Variants in SEL1L3 observed in about 807,000 individuals in gnomAD.
The protein encoded by SEL1L3 is protein sel-1 homolog 3.
SEL1L3 carries 76 observed loss-of-function variants against 142.8 expected under a neutral mutation model. The observed-to-expected ratio is 0.53, with a 90% CI of 0.44 to 0.64. The LOEUF is 0.64. SEL1L3 is among the 30% of genes least tolerant of loss of function. SEL1L3 has a pLI of 0.00. For missense variants in SEL1L3, 1,262 were observed against 1,381.7 expected, an observed-to-expected ratio of 0.91 and a Z score of 1.37; for synonymous variants, 504 against 519.6, an observed-to-expected ratio of 0.97 and a Z score of 0.41.
the SEL1L3 span, among the ~76,000 whole-genome samples, chr4:25,735,030 C>T: frequency 6.6e-6 from 1 of 151,612 alleles, no homozygotes; most frequent in Non-Finnish European, 1.5e-5. Flanking sequence ...GTATATTTTC[C>T]TAAAATGTTT....
At chr4:25,830,449 C>T (rs958755801) in intron 5 of SEL1L3, among the ~76,000 whole-genome samples, 3 of 152,168 alleles carry the variant, frequency 2.0e-5, no homozygotes, top group Admixed American at 6.5e-5. Context: ...TGTCCTTAAA[C>T]GCTTGTTGTG....
chr4:25,765,468 A>G (rs768433295), intron 19 of SEL1L3, 33 bp from the exon 20 acceptor site: 3 of 1,459,546 alleles, frequency 2.1e-6, no homozygotes, highest in Non-Finnish European at 2.9e-6. Context: ...CCATTTGTCA[A>G]GTGGTTTTTT....
rs1464096743 is a variant in SEL1L3, at chr4:25,847,881, G to A, written c.163-17C>T. 2.1e-6 allele frequency: 3 copies of A among 1,436,960 alleles called. No individual in the cohort carries two copies. The highest frequency in any genetic ancestry group is 4.7e-5 in the East Asian group (2 of 42,754). 89.0% of individuals were successfully genotyped at this position (1,436,960 alleles called of 1,614,324 possible). On this transcript the variant is annotated splice_polypyrimidine_tract_variant and intron_variant, in intron 1 of 23. Transcript: ENST00000399878. Reference sequence around the variant, plus strand: ...TACAACATTCTGAAAAAAAGAAAAAGAAAGTAAGAAATACAGAAAGTTTAA... The same window carrying A: ...TACAACATTCTGAAAAAAAGAAAAAAAAAGTAAGAAATACAGAAAGTTTAA...
chr4:25,814,412 A>T (rs1714233240), intron 9 of SEL1L3, among the ~76,000 whole-genome samples: 1 of 152,222 alleles, frequency 6.6e-6, no homozygotes, highest in Non-Finnish European at 1.5e-5. Context: ...TACCACGCCT[A>T]TTCAGTGCCT....
intron 2 of SEL1L3, among the ~76,000 whole-genome samples, chr4:25,841,398 T>A (rs1716158343): frequency 6.6e-6 from 1 of 152,210 alleles, no homozygotes; most frequent in Non-Finnish European, 1.5e-5. Context: ...TCACCTCCTC[T>A]GAAGAAGCCA....
At chr4:25,838,171 A>G (rs1011536507) in intron 2 of SEL1L3, among the ~76,000 whole-genome samples, 3 of 152,198 alleles carry the variant, frequency 2.0e-5, no homozygotes, top group Admixed American at 2.0e-4. Flanking sequence ...CACACTGCGT[A>G]AGCCAAAGAA....
chr4:25,718,889 T>C, the SEL1L3 span: 4 of 152,184 alleles, frequency 2.6e-5, no homozygotes, highest in Non-Finnish European at 5.9e-5. Flanking sequence ...GTAAGTATTA[T>C]TACTAGGCTG....
At chr4:25,727,225 T>A in the SEL1L3 span, among the ~76,000 whole-genome samples, 1 of 152,054 alleles carries the variant, frequency 6.6e-6, no homozygotes, top group Non-Finnish European at 1.5e-5. Flanking sequence ...GCTAATATTT[T>A]GTATTTTTAG....
At chr4:25,815,858 G>T (rs1480602772) in intron 9 of SEL1L3, among the ~76,000 whole-genome samples, 2 of 139,622 alleles carry the variant, frequency 1.4e-5, no homozygotes, top group African/African-American at 4.9e-5. Flanking sequence ...TTTTGGAGAG[G>T]AGGGATATTG....
At chr4:25,747,095 C>A (rs1437374366), downstream of SEL1L3, among the ~76,000 whole-genome samples, 1 of 152,118 alleles carries the variant, frequency 6.6e-6, no homozygotes, top group African/African-American at 2.4e-5. Context: ...GGAGGGACAA[C>A]ATTTGCTAAA....
At chr4:25,862,496 C>A (rs1183954370) in intron 1 of SEL1L3, among the ~76,000 whole-genome samples, 179 bp downstream of exon 1, 1 of 152,124 alleles carries the variant, frequency 6.6e-6, no homozygotes, top group Non-Finnish European at 1.5e-5. Context: ...TCCAAGCGCC[C>A]CTCTCCACGC....
chr4:25,765,139 C>A (rs1481714505), intron 20 of SEL1L3, among the ~76,000 whole-genome samples, 187 bp downstream of exon 20: 3 of 151,976 alleles, frequency 2.0e-5, no homozygotes, highest in African/African-American at 7.2e-5. Context: ...GGACTACAGG[C>A]GAGCACCACC....
the SEL1L3 span, among the ~76,000 whole-genome samples, chr4:25,728,499 G>C: frequency 6.6e-6 from 1 of 152,070 alleles, no homozygotes; most frequent in East Asian, 1.9e-4. Context: ...CCATGCCCTT[G>C]CTCATCAGTT....
At chr4:25,754,675 C>G (rs1304810920) in intron 23 of SEL1L3, among the ~76,000 whole-genome samples, 3 of 151,996 alleles carry the variant, frequency 2.0e-5, no homozygotes. Flanking sequence ...TGGGCATCAT[C>G]TAGGAGCTTG....
intron 1 of SEL1L3, among the ~76,000 whole-genome samples, chr4:25,856,397 A>G (rs190077377): frequency 6.4e-4 from 98 of 152,284 alleles, no homozygotes; most frequent in African/African-American, 2.0e-3. Flanking sequence ...TTAGGCAGCT[A>G]CAATAGATGT....
Position 25,802,263 on chromosome 4 carries a change from A to T in SEL1L3, c.1956+20T>A. 6.2e-7 allele frequency: 1 copy of T among 1,600,648 alleles called. No individual in the cohort carries two copies. On this transcript the variant is annotated intron_variant, in intron 11 of 23. Transcript: ENST00000399878. ...GTAAACAGGGCCATAACCATTCCCA[A>T]CCTTTTTTCTCTCTCATACCTGATC... is the stretch of plus-strand genomic sequence containing the variant.
At chr4:25,745,751 ACT>A (rs1014639429), downstream of SEL1L3, among the ~76,000 whole-genome samples, 1 of 151,964 alleles carries the variant, frequency 6.6e-6, no homozygotes, top group Non-Finnish European at 1.5e-5. Flanking sequence ...AGATTGAGAA[ACT>A]CTGCCTACAT....
chr4:25,729,145 G>A, the SEL1L3 span, among the ~76,000 whole-genome samples: 1 of 152,028 alleles, frequency 6.6e-6, no homozygotes, highest in African/African-American at 2.4e-5. Context: ...CTCCCCTCTC[G>A]TTTTGAGATT....
chr4:25,782,530 C>G, intron 14 of SEL1L3, 112 bp from the exon 15 acceptor site: 1 of 930,282 alleles, frequency 1.1e-6, no homozygotes, highest in Non-Finnish European at 1.6e-6. Context: ...CCTTCCCTTT[C>G]TCTTATTTTG....
Sources: allele counts gnomAD v4.1 joint callset (sites outside exome capture counted in the v4.1 genomes callset), GRCh38; gene constraint gnomAD v4.1.1; transcripts MANE v1.5; gene names NCBI Gene and HGNC (gene_info 2026-07-23, HGNC 2026-07-21).